Variants in MAPK10 observed in about 807,000 individuals in gnomAD.
The protein encoded by MAPK10 is JNK3 alpha protein kinase.
A neutral mutation model predicts 59.3 loss-of-function variants in MAPK10; 25 were observed. That is an observed-to-expected ratio of 0.42 (90% CI 0.31 to 0.59). MAPK10 has a LOEUF of 0.59. MAPK10 is among the 20% of genes least tolerant of loss of function. The probability of loss-of-function intolerance (pLI) is 0.15; values close to 1 mark genes in which losing one functional copy is unlikely to be tolerated. For synonymous variants in MAPK10, 190 were observed against 200.5 expected (o/e 0.95, Z 0.44); for missense variants, 351 against 568.9 (o/e 0.62, Z 3.90).
At chr4:86,367,838 A>C (rs1382554735) in intron 1 of MAPK10, among the ~76,000 whole-genome samples, 1 of 152,054 alleles carries the variant, frequency 6.6e-6, no homozygotes, top group East Asian at 1.9e-4. Flanking sequence ...GCCAAACATC[A>C]GTCATCATTG....
intron 1 of MAPK10, among the ~76,000 whole-genome samples, chr4:86,435,847 C>T (rs1409235009): frequency 6.6e-6 from 1 of 152,150 alleles, no homozygotes; most frequent in Non-Finnish European, 1.5e-5. Context: ...GAGCCAAATT[C>T]AGCTAATATT....
intron 1 of MAPK10, among the ~76,000 whole-genome samples, chr4:86,372,567 A>AGAAAGAAAGAAAG (rs1554253760): frequency 0.023 from 2,988 of 132,758 alleles, 130 homozygotes; most frequent in South Asian, 0.043. Context: ...AAAGAAAGAA[A>AGAAAGAAAGAAAG]GAAAAGAAAA....
intron 3 of MAPK10, among the ~76,000 whole-genome samples, chr4:86,168,283 G>A (rs1055339195): frequency 6.6e-6 from 1 of 152,218 alleles, no homozygotes; most frequent in African/African-American, 2.4e-5. Flanking sequence ...GGAAGTGCAA[G>A]GGTCAGGGAG....
At chr4:86,492,527 T>C (rs1754544884) in intron 1 of MAPK10, among the ~76,000 whole-genome samples, 1 of 152,230 alleles carries the variant, frequency 6.6e-6, no homozygotes, top group South Asian at 2.1e-4. Context: ...ATCATACATG[T>C]GAGCTCTATG....
intron 1 of MAPK10, among the ~76,000 whole-genome samples, chr4:86,567,165 C>T (rs13148012): frequency 0.032 from 4,930 of 152,010 alleles, 128 homozygotes; most frequent in Non-Finnish European, 0.046. Flanking sequence ...ACATAAAAAT[C>T]TTATTCAAAA....
intron 1 of MAPK10, among the ~76,000 whole-genome samples, chr4:86,441,211 A>G (rs1749385034): frequency 6.6e-6 from 1 of 152,206 alleles, no homozygotes; most frequent in African/African-American, 2.4e-5. Flanking sequence ...TGTGTGTGTG[A>G]CTGTCTTGTT....
chr4:86,582,168 C>T (rs77456524), intron 1 of MAPK10, among the ~76,000 whole-genome samples: 7,047 of 151,368 alleles, frequency 0.047, 220 homozygotes, highest in African/African-American at 0.061. Flanking sequence ...AAATATAAAA[C>T]GCATTTAGGA....
chr4:86,369,065 C>A (rs907084155), intron 1 of MAPK10, among the ~76,000 whole-genome samples: 1 of 152,130 alleles, frequency 6.6e-6, no homozygotes, highest in African/African-American at 2.4e-5. Context: ...TTTCCCTTAT[C>A]CTAGAAGCAT....
chr4:86,530,068 CTTTT>C (rs199905487), intron 1 of MAPK10, among the ~76,000 whole-genome samples: 2 of 132,242 alleles, frequency 1.5e-5, no homozygotes. Flanking sequence ...TTTGTTTTTC[CTTTT>C]TTTTTTTTTT....
chr4:86,036,893 T>C (rs562793727), intron 11 of MAPK10, among the ~76,000 whole-genome samples: 13 of 152,244 alleles, frequency 8.5e-5, no homozygotes, highest in African/African-American at 2.7e-4. Flanking sequence ...TGACATGGCA[T>C]GTTAGAGATC....
upstream of MAPK10, among the ~76,000 whole-genome samples, chr4:86,456,007 T>C (rs186180972): frequency 6.6e-6 from 1 of 152,200 alleles, no homozygotes; most frequent in East Asian, 1.9e-4. Flanking sequence ...AAAAGGAACC[T>C]TCAAAACCAG....
upstream of MAPK10, among the ~76,000 whole-genome samples, chr4:86,361,301 T>C (rs1007963312): frequency 6.6e-6 from 1 of 152,198 alleles, no homozygotes; most frequent in South Asian, 2.1e-4. Context: ...TTGTAGTTCA[T>C]TGGATAAGTG....
chr4:86,214,450 G>A (rs1369578173), intron 2 of MAPK10, among the ~76,000 whole-genome samples: 1 of 133,594 alleles, frequency 7.5e-6, no homozygotes, highest in Non-Finnish European at 1.6e-5. Flanking sequence ...AAAGGAAAAA[G>A]TACAATTATA....
intron 4 of MAPK10, among the ~76,000 whole-genome samples, chr4:86,154,962 A>C (rs2067333310): frequency 6.6e-6 from 1 of 152,086 alleles, no homozygotes; most frequent in African/African-American, 2.4e-5. Context: ...TAACATGGCC[A>C]ACTTTCAATC....
intron 1 of MAPK10, among the ~76,000 whole-genome samples, chr4:86,428,140 C>CT (rs201894847): frequency 0.14 from 20,567 of 142,686 alleles, 1,536 homozygotes; most frequent in East Asian, 0.25. Flanking sequence ...TTCAAAGTTA[C>CT]TTTTTTTTTT....
chr4:86,179,823 A>C (rs928094508), intron 3 of MAPK10, among the ~76,000 whole-genome samples: 10 of 152,052 alleles, frequency 6.6e-5, no homozygotes, highest in Non-Finnish European at 1.2e-4. Context: ...TCTCACAATA[A>C]ACAAAATACA....
intron 11 of MAPK10, among the ~76,000 whole-genome samples, chr4:86,045,922 T>C (rs1008046329): frequency 1.3e-5 from 2 of 151,772 alleles, no homozygotes; most frequent in Non-Finnish European, 2.9e-5. Context: ...ATTACTGGGT[T>C]ATTTTTATGT....
intron 1 of MAPK10, among the ~76,000 whole-genome samples, chr4:86,573,981 T>G (rs895826864): frequency 2.0e-5 from 3 of 152,180 alleles, no homozygotes; most frequent in South Asian, 2.1e-4. Flanking sequence ...TGTATACAGG[T>G]GCCATGCTGC....
intron 1 of MAPK10, among the ~76,000 whole-genome samples, chr4:86,486,285 C>G (rs1025114163): frequency 1.3e-5 from 2 of 152,082 alleles, no homozygotes; most frequent in African/African-American, 4.8e-5. Flanking sequence ...GGCAACACAG[C>G]AAGACTCAAT....
Sources: gnomAD v4.1 joint callset for allele counts (sites outside exome capture counted in the v4.1 genomes callset) on GRCh38, gnomAD v4.1.1 for gene constraint, MANE v1.5 for transcripts, NCBI Gene and HGNC (gene_info 2026-07-23, HGNC 2026-07-21) for gene names.